The following STARD13 variants were observed in gnomAD, a reference collection of about 807,000 sequenced individuals.
The protein encoded by STARD13 is StAR related lipid transfer domain containing 13, also known as stAR-related lipid transfer protein 13.
In STARD13, 62 loss-of-function variants were observed where a neutral mutation model predicts 106.4. The observed-to-expected ratio is 0.58, with a 90% CI of 0.48 to 0.72. STARD13 has a LOEUF of 0.72. Ranked by LOEUF, STARD13 falls within the 30% of genes least tolerant of loss-of-function variation. The pLI is 0.00. For missense variants in STARD13, 1,387 were observed against 1,424.0 expected, an observed-to-expected ratio of 0.97 and a Z score of 0.42; for synonymous variants, 565 against 553.0, an observed-to-expected ratio of 1.02 and a Z score of -0.31.
rs192103540 is a variant in STARD13 at position 33,348,849 on chromosome 13, C to T, written c.*300G>A. 11 of 351,658 alleles carry T rather than the reference C, an allele frequency of 3.1e-5. No individual in the cohort carries two copies. In the East Asian group the frequency reaches 5.6e-4, roughly 18 times the overall value. 21.8% of individuals were successfully genotyped at this position (351,658 alleles called of 1,614,324 possible). A position where few individuals can be genotyped will look rare whatever the true frequency, so the allele number is the denominator to read the frequency against. ...TTTCTTAGGTGCACACTAAATGTGG[C>T]CACTGTGTTGGAGAGAAAATGTGGA... On this transcript the variant is annotated 3_prime_UTR_variant, in exon 2 of 2. Coordinates refer to the STARD13 transcript ENST00000439831.
the STARD13 span, among the ~76,000 whole-genome samples, chr13:33,629,684 T>C: frequency 6.6e-6 from 1 of 152,256 alleles, no homozygotes; most frequent in Non-Finnish European, 1.5e-5. Context: ...GCATATAACC[T>C]ATAAGCTGGT....
Position 33,326,096 on chromosome 13 carries a change from T to C in STARD13, c.124+24194A>G, listed in dbSNP as rs138976508. 7.1e-3 allele frequency among the ~76,000 whole-genome samples: 1,063 copies of C among 150,392 alleles called. 40 individuals are homozygous for C. The highest frequency in any genetic ancestry group is 0.058 in the Admixed American group (872 of 15,114). On this transcript the variant is annotated intron_variant, in intron 1 of 5. Coordinates refer to the STARD13 transcript ENST00000567873. ...TATCCCCATCTCCCTCTCTCTCTCC[T>C]CCAGAAACACAAGCACTGCACTTCA...
chr13:33,483,003 C>T, the STARD13 span, among the ~76,000 whole-genome samples: 1 of 152,142 alleles, frequency 6.6e-6, no homozygotes, highest in African/African-American at 2.4e-5. Context: ...CACCCTGGAC[C>T]ACCCTCCTGA....
At chr13:33,644,792 C>G in the STARD13 span, among the ~76,000 whole-genome samples, 2 of 152,272 alleles carry the variant, frequency 1.3e-5, no homozygotes, top group African/African-American at 4.8e-5. Flanking sequence ...TGCTCCACTC[C>G]CTCCCCTGGG....
the STARD13 span, among the ~76,000 whole-genome samples, chr13:33,630,352 G>A: frequency 0.012 from 1,835 of 152,060 alleles, 41 homozygotes; most frequent in African/African-American, 0.042. Flanking sequence ...CCCTCTTTTG[G>A]CCAGCTTTCC....
chr13:33,159,149 A>G (rs1233518193), intron 3 of STARD13, among the ~76,000 whole-genome samples: 1 of 152,112 alleles, frequency 6.6e-6, no homozygotes, highest in Non-Finnish European at 1.5e-5. Context: ...TTCCACGGTG[A>G]TGTGGTAATG....
chr13:33,489,539 T>G, the STARD13 span, among the ~76,000 whole-genome samples: 1 of 152,178 alleles, frequency 6.6e-6, no homozygotes, highest in Non-Finnish European at 1.5e-5. Flanking sequence ...GTGGGTCAAG[T>G]CCAATCAACT....
chr13:33,559,045 A>G, the STARD13 span, among the ~76,000 whole-genome samples: 1 of 151,584 alleles, frequency 6.6e-6, no homozygotes, highest in South Asian at 2.1e-4. Context: ...TTATATTATA[A>G]TTTTTAACTA....
At chr13:33,300,263 G>T (rs890527079) in intron 1 of STARD13, among the ~76,000 whole-genome samples, 1 of 152,152 alleles carries the variant, frequency 6.6e-6, no homozygotes, top group Non-Finnish European at 1.5e-5. Flanking sequence ...CGTAATATTA[G>T]TGCTCTCCTT....
chr13:33,280,085 G>C (rs1231233865), intron 1 of STARD13: 2 of 152,186 alleles, frequency 1.3e-5, no homozygotes, highest in Non-Finnish European at 2.9e-5. Flanking sequence ...AGGTTTGAAA[G>C]TAGTCGGGCA....
chr13:33,443,844 G>T, the STARD13 span, among the ~76,000 whole-genome samples: 5 of 144,048 alleles, frequency 3.5e-5, no homozygotes, highest in Non-Finnish European at 6.0e-5. Flanking sequence ...AGCCGAGATT[G>T]TGCCACTGCA....
chr13:33,637,512 C>T, the STARD13 span, among the ~76,000 whole-genome samples: 1 of 152,266 alleles, frequency 6.6e-6, no homozygotes, highest in South Asian at 2.1e-4. Context: ...ATGCTGTTTC[C>T]ATTGTGTAAC....
the STARD13 span, among the ~76,000 whole-genome samples, chr13:33,443,201 A>C: frequency 4.0e-5 from 6 of 151,506 alleles, no homozygotes; most frequent in Non-Finnish European, 7.4e-5. Context: ...CACGGTGAAG[A>C]CCCGTCTCTA....
the STARD13 span, among the ~76,000 whole-genome samples, chr13:33,429,377 A>T: frequency 6.6e-6 from 1 of 152,304 alleles, no homozygotes. Flanking sequence ...CGGGCGGATC[A>T]CGAGGTCAGC....
At chr13:33,643,764 C>T in the STARD13 span, among the ~76,000 whole-genome samples, 1 of 152,246 alleles carries the variant, frequency 6.6e-6, no homozygotes, top group African/African-American at 2.4e-5. Flanking sequence ...GCTCACACTG[C>T]ACGCTTCTTA....
Position 33,140,523 on chromosome 13 carries a change from A to G in STARD13, c.387+1787T>C, listed in dbSNP as rs531122892. Among the ~76,000 whole-genome samples the G allele has an allele frequency of 1.1e-4, 16 of 152,198 alleles. No individual in the cohort carries two copies. The South Asian group carries it at 3.3e-3, about 32-fold the overall frequency. ...TGCTCATGTTTTAATATTTCTCTGG[A>G]TATTGTTTTTCACTGTTTTACCTCC... On this transcript the variant is annotated intron_variant, in intron 4 of 13. Transcript: ENST00000336934.
the STARD13 span, among the ~76,000 whole-genome samples, chr13:33,447,252 GC>G: frequency 5.9e-5 from 9 of 152,308 alleles, no homozygotes; most frequent in Admixed American, 5.9e-4. Flanking sequence ...ACAACTATGT[GC>G]CCTAGGCAAA....
the STARD13 span, among the ~76,000 whole-genome samples, chr13:33,464,628 T>A: frequency 2.6e-5 from 4 of 152,140 alleles, no homozygotes; most frequent in African/African-American, 9.7e-5. Flanking sequence ...GGGGGGCAGA[T>A]CACTTGAGGC....
chr13:33,129,364 A>G lies in STARD13; in HGVS notation c.1313T>C (p.Val438Ala), dbSNP rs1877820958. ...TGSISLGREQ[V>A]PGAREPRLMA... The stretch of plus-strand genomic sequence containing the variant: ...GAGCCGGGGCTCCCTGGCACCAGGG[A>G]CCTGCTCTCTGCCCAGGGAGATGCT... The change falls in exon 5 of 14, where the codon GTC becomes GCC. Residue 438 changes from valine (V) to alanine (A), a missense_variant. Val to Ala is a moderately conservative substitution (Grantham distance 64). Coordinates refer to ENST00000336934, the MANE Select transcript of STARD13 (RefSeq NM_178006.4). The G allele has an allele frequency of 1.2e-6, 2 of 1,614,122 alleles. No individual in the cohort carries two copies. The highest frequency in any genetic ancestry group is 3.3e-5 in the Admixed American group (2 of 60,024).
Sources: gnomAD v4.1 joint callset for allele counts (sites outside exome capture counted in the v4.1 genomes callset) on GRCh38, gnomAD v4.1.1 for gene constraint, MANE v1.5 for transcripts, NCBI Gene and HGNC (gene_info 2026-07-23, HGNC 2026-07-21) for gene names.